RBMX2: variants seen among roughly 807,000 people sequenced by gnomAD.
RBMX2 encodes the protein RNA binding motif protein X-linked 2, also known as RNA-binding motif protein, X-linked 2.
For missense variants in RBMX2, 191 were observed against 256.0 expected (o/e 0.75, Z 1.73); for synonymous variants, 77 against 94.3 (o/e 0.82, Z 1.07).
intron 5 of RBMX2, 130 bp downstream of exon 5, chrX:130,411,655 A>G (rs1341731604): frequency 1.6e-6 from 1 of 638,524 alleles, no homozygotes; most frequent in Non-Finnish European, 2.3e-6. Context: ...TTAATTGGGA[A>G]AGCAGGGAGT....
chrX:130,412,219 C>T, intron 5 of RBMX2, 142 bp from the exon 6 acceptor site: 1 of 827,448 alleles, frequency 1.2e-6, no homozygotes, highest in South Asian at 3.3e-5. Flanking sequence ...AGCCACCGCA[C>T]CCGGCTGTGA....
intron 3 of RBMX2, 86 bp downstream of exon 3, chrX:130,403,939 A>G: frequency 1.1e-6 from 1 of 948,485 alleles, no homozygotes; most frequent in East Asian, 3.1e-5. Context: ...AAAACCACTT[A>G]TTTTCACTCT....
rs763559165 is a variant in RBMX2 at position 130,403,408 on chromosome X, G to A, written c.122-394G>A. On this transcript the variant is annotated intron_variant, in intron 2 of 5. Transcript: ENST00000305536. ...TTTGAGCTGGAGTTTCACTCTTGTCGCCCAGGCTGGAGTGCAATGGCACGA... is the reference window on the plus strand; with the variant it reads ...TTTGAGCTGGAGTTTCACTCTTGTCACCCAGGCTGGAGTGCAATGGCACGA... Among the ~76,000 whole-genome samples, 6 of 111,616 alleles carry A rather than the reference G, an allele frequency of 5.4e-5. No individual in the cohort carries two copies. In the East Asian group the frequency reaches 1.1e-3, roughly 21 times the overall value.
chrX:130,406,255 A>C (rs2034485296), intron 3 of RBMX2, among the ~76,000 whole-genome samples: 1 of 110,874 alleles, frequency 9.0e-6, no homozygotes, highest in South Asian at 3.8e-4. Context: ...TCCTTTGCCA[A>C]CTTTCTTCTA....
chrX:130,413,196 T>TG lies in RBMX2; in HGVS notation c.*351dup, dbSNP rs1457431452. On this transcript the variant is annotated 3_prime_UTR_variant, in exon 6 of 6. Transcript: ENST00000305536. Reference sequence around the variant, plus strand: ...GTTAGATGTTTATAGCCCAGCATCTTGGGACCTTTCCAGTTACTAGGTTTG... The same window carrying TG: ...GTTAGATGTTTATAGCCCAGCATCTTGGGGACCTTTCCAGTTACTAGGTTTG... The TG allele has an allele frequency of 7.5e-6, 1 of 132,999 alleles. No individual in the cohort carries two copies. 11.0% of individuals were successfully genotyped at this position (132,999 alleles called of 1,213,427 possible).
intron 3 of RBMX2, chrX:130,404,174 C>T (rs1282922046): frequency 1.5e-5 from 4 of 267,099 alleles, no homozygotes; most frequent in Admixed American, 5.3e-5. Flanking sequence ...TAGGGGTAAC[C>T]CATGGTCACA....
chrX:130,412,690 C>A lies in RBMX2; in HGVS notation c.811C>A (p.Arg271=), dbSNP rs1047707150. 8.3e-7 allele frequency: 1 copy of A among 1,207,556 alleles called. No homozygotes were observed. Among genetic ancestry groups the A allele is most frequent in the Non-Finnish European group, 1.1e-6 (1 of 894,662 alleles). Residue 271 remains arginine, a synonymous_variant, in exon 6 of 6, where the codon CGG becomes AGG. Transcript: ENST00000305536. ...AAAGACCAGGATTAGGGACAGAGGG[C>A]GGAGCTCAGATGCACATTCTAGCTG... The part of the protein sequence containing the change: ...EEKTRIRDRG[R]SSDAHSSWYN...
chrX:130,402,225 A>ACCCACCCCCCCCC, intron 1 of RBMX2, 30 bp from the exon 2 acceptor site: 2 of 984,796 alleles, frequency 2.0e-6, no homozygotes, highest in Non-Finnish European at 2.8e-6. Flanking sequence ...TTTTCTGCCT[A>ACCCACCCCCCCCC]CCCTCCCCAC....
chrX:130,403,738 T>C, intron 2 of RBMX2, 64 bp from the exon 3 acceptor site: 1 of 1,035,088 alleles, frequency 9.7e-7, no homozygotes, highest in Admixed American at 2.2e-5. Flanking sequence ...CCTGGCCTAG[T>C]GCGTGGTATG....
chrX:130,411,565 T>G (rs749536383), intron 5 of RBMX2, 40 bp downstream of exon 5: 17 of 1,073,292 alleles, frequency 1.6e-5, no homozygotes, highest in South Asian at 2.5e-5. Flanking sequence ...TGGGTGGTCT[T>G]AATGTCTGCT....
intron 2 of RBMX2, among the ~76,000 whole-genome samples, chrX:130,402,665 T>C (rs1302173138): frequency 8.9e-6 from 1 of 111,773 alleles, no homozygotes; most frequent in Non-Finnish European, 1.9e-5. Flanking sequence ...GAAATTGGGG[T>C]GCAGAGAAGT....
At chrX:130,405,407 A>T (rs959328450) in intron 3 of RBMX2, among the ~76,000 whole-genome samples, 6 of 110,965 alleles carry the variant, frequency 5.4e-5, no homozygotes, top group African/African-American at 1.3e-4. Context: ...AGAAAAAAAA[A>T]CTACTTTGTT....
In RBMX2 at chrX:130,407,911, C is replaced by T. The variant is rs887141913; in HGVS notation, c.174-1346C>T. Among the ~76,000 whole-genome samples the T allele has an allele frequency of 8.1e-5, 9 of 111,392 alleles. No individual in the cohort carries two copies. In the South Asian group the frequency reaches 3.0e-3, roughly 38 times the overall value. Reference sequence around the variant, plus strand: ...CTGGCATCAAGTGATCCTATGGCCTCGGCTTCCCAAAGTGCTGGTATTATG... The same window carrying T: ...CTGGCATCAAGTGATCCTATGGCCTTGGCTTCCCAAAGTGCTGGTATTATG... On this transcript the variant is annotated intron_variant, in intron 3 of 5. Transcript: ENST00000305536.
Position 130,402,264 on chromosome X carries a change from T to C in RBMX2, c.15T>C (p.Thr5=), listed in dbSNP as rs2034460019. 5 of 808,923 alleles carry C rather than the reference T, an allele frequency of 6.2e-6. No individual in the cohort carries two copies. The highest frequency in any genetic ancestry group is 8.4e-6 in the Non-Finnish European group (5 of 593,977). 66.7% of individuals were successfully genotyped at this position (808,923 alleles called of 1,213,427 possible). ...CCCCGCCACCGTGAAGCCCTTTAACTAAGGTGAAGCTGATCAACGAGCTGA... is the reference window on the plus strand; with the variant it reads ...CCCCGCCACCGTGAAGCCCTTTAACCAAGGTGAAGCTGATCAACGAGCTGA... The part of the protein sequence containing the change: MNPL[T]KVKLINELNE... Residue 5 remains threonine (T), a synonymous_variant, in exon 2 of 6, where the codon ACT becomes ACC. Coordinates refer to ENST00000305536, the MANE Select transcript of RBMX2 (RefSeq NM_016024.4).
At chrX:130,402,160 C>A in intron 1 of RBMX2, 95 bp from the exon 2 acceptor site, 11 of 1,160,329 alleles carry the variant, frequency 9.5e-6, no homozygotes, top group Non-Finnish European at 1.3e-5. Flanking sequence ...TGGAACAGCT[C>A]GTCCCCTAGT....
At chrX:130,403,402 C>G (rs955577112) in intron 2 of RBMX2, among the ~76,000 whole-genome samples, 1 of 112,042 alleles carries the variant, frequency 8.9e-6, no homozygotes, top group Non-Finnish European at 1.9e-5. Context: ...GAGTTTCACT[C>G]TTGTCGCCCA....
Position 130,412,653 on chromosome X carries a change from G to T in RBMX2, c.774G>T (p.Glu258Asp). The T allele has an allele frequency of 1.7e-6, 2 of 1,210,129 alleles. No individual in the cohort carries two copies. Among genetic ancestry groups the T allele is most frequent in the Non-Finnish European group, 2.2e-6 (2 of 895,167 alleles). Reference sequence around the variant, plus strand: ...AGCACAAGTCCTCAAGCAGGAGGGAGGCAAGAGAAGAAAAGACCAGGATTA... The same window carrying T: ...AGCACAAGTCCTCAAGCAGGAGGGATGCAAGAGAAGAAAAGACCAGGATTA... Reference protein sequence around the residue: ...KHEHKSSSRREAREEKTRIRD... With the variant: ...KHEHKSSSRRDAREEKTRIRD... Residue 258 changes from glutamate (E) to aspartate (D), a missense_variant, in exon 6 of 6, where the codon GAG becomes GAT. Transcript: ENST00000305536.
intron 4 of RBMX2, 60 bp from the exon 5 acceptor site, chrX:130,411,288 A>C (rs760010579): frequency 9.7e-7 from 1 of 1,035,571 alleles, no homozygotes; most frequent in Non-Finnish European, 1.3e-6. Context: ...CTTGTGTTCA[A>C]ATAGTTTGAC....
intron 3 of RBMX2, among the ~76,000 whole-genome samples, chrX:130,406,211 C>T (rs1334419511): frequency 3.6e-5 from 4 of 110,198 alleles, no homozygotes; most frequent in South Asian, 3.9e-4. Flanking sequence ...AGATTTGCAG[C>T]CCATTATTTT....
Sources: allele counts gnomAD v4.1 joint callset (sites outside exome capture counted in the v4.1 genomes callset), GRCh38; gene constraint gnomAD v4.1.1; transcripts MANE v1.5; gene names NCBI Gene and HGNC (gene_info 2026-07-23, HGNC 2026-07-21).